The following NUP188 variants were observed in gnomAD, a reference collection of about 807,000 sequenced individuals.
NUP188 encodes the protein nucleoporin NUP188.
NUP188 carries 97 observed loss-of-function variants against 223.0 expected under a neutral mutation model. The observed-to-expected ratio is 0.43, with a 90% confidence interval of 0.37 to 0.51. The LOEUF (loss-of-function observed/expected upper bound fraction) is 0.51. NUP188 is among the 20% of genes least tolerant of loss of function. The pLI, the probability that NUP188 is intolerant of heterozygous loss-of-function variation, is 0.00. For missense variants in NUP188, 1,947 were observed against 2,175.6 expected, an observed-to-expected ratio of 0.89 and a Z score of 2.09; for synonymous variants, 869 against 828.0, an observed-to-expected ratio of 1.05 and a Z score of -0.85.
chr9:128,997,017 A>G (rs925129865), intron 30 of NUP188, among the ~76,000 whole-genome samples: 2 of 152,184 alleles, frequency 1.3e-5, no homozygotes, highest in Non-Finnish European at 2.9e-5. Flanking sequence ...AATAAAAAAT[A>G]TGGTTTCAGA....
rs375171816 is a variant in NUP188, at chr9:128,985,064, T to A, written c.2076+50T>A. The A allele has an allele frequency of 2.0e-5, 26 of 1,300,956 alleles. No individual in the cohort carries two copies. The African/African-American group carries it at 3.5e-4, about 18-fold the overall frequency. The allele number at this position is 1,300,956 out of a possible 1,614,324, so 80.6% of individuals were successfully genotyped here. Reference sequence around the variant, plus strand: ...GGGCAGAAAAAGAAAAGGTCCAGTCTTGTCAGATGACTCTGAAATAGTTTC... The same window carrying A: ...GGGCAGAAAAAGAAAAGGTCCAGTCATGTCAGATGACTCTGAAATAGTTTC... On this transcript the variant is annotated intron_variant, in intron 20 of 43. Coordinates refer to ENST00000372577, the MANE Select transcript of NUP188 (RefSeq NM_015354.3).
Position 128,968,844 on chromosome 9 carries a change from C to T in NUP188, c.797+127C>T, listed in dbSNP as rs17507978. ...CGGTGGGGAAATAGGTCTACTGCCA[C>T]GTTCCCTTTCATGCAGGGAGTAAAG... On this transcript the variant is annotated intron_variant, in intron 9 of 43. Transcript: ENST00000372577. 3.5e-3 allele frequency: 2,358 copies of T among 679,460 alleles called. 39 individuals are homozygous for T. The African/African-American group carries it at 0.038, about 11-fold the overall frequency. 42.1% of individuals were successfully genotyped at this position (679,460 alleles called of 1,614,324 possible).
Position 128,947,760 on chromosome 9 carries a change from C to T in NUP188, c.32+9C>T, listed in dbSNP as rs996639359. ...GGCGGGCCGTGTGTGAGGTGCGGAGCGGGTCGAATGGACCGGGGTGGCTGT... is the reference window on the plus strand; with the variant it reads ...GGCGGGCCGTGTGTGAGGTGCGGAGTGGGTCGAATGGACCGGGGTGGCTGT... On this transcript the variant is annotated intron_variant, in intron 1 of 43. Coordinates refer to ENST00000372577, the MANE Select transcript of NUP188 (RefSeq NM_015354.3). 7.6e-6 allele frequency: 11 copies of T among 1,446,976 alleles called. No homozygotes were observed. The highest frequency in any genetic ancestry group is 1.0e-5 in the Non-Finnish European group (11 of 1,102,278). The allele number at this position is 1,446,976 out of a possible 1,614,324, so 89.6% of individuals were successfully genotyped here.
chr9:128,982,965 C>T lies in NUP188; in HGVS notation c.1733C>T (p.Thr578Ile), dbSNP rs1348924837. The change falls in exon 17 of 44, where the codon ACA (threonine) becomes ATA (isoleucine). Residue 578 changes from threonine (T) to isoleucine (I), a missense_variant. Transcript: ENST00000372577. ...IIDLVHKVIS[T>I]DLSIADCLLP... ...GATCTCGTCCATAAGGTCATCAGTA[C>T]AGACCTGTCGATAGCAGACTGTCTC... 6.2e-7 allele frequency: 1 copy of T among 1,614,052 alleles called. No individual in the cohort carries two copies. Among genetic ancestry groups the T allele is most frequent in the Non-Finnish European group, 8.5e-7 (1 of 1,179,950 alleles).
chr9:128,961,331 GAAAAAT>G (rs1001728738), intron 8 of NUP188, among the ~76,000 whole-genome samples: 5 of 150,406 alleles, frequency 3.3e-5, no homozygotes, highest in Non-Finnish European at 5.9e-5. Flanking sequence ...CTCTGTCTCA[GAAAAAT>G]AAAAATAAAA....
At chr9:128,992,958 T>C (rs1842456833) in intron 25 of NUP188, 2 of 514,932 alleles carry the variant, frequency 3.9e-6, no homozygotes, top group African/African-American at 1.9e-5. Flanking sequence ...ACTTTTCAGT[T>C]TGTATTTATT....
intron 8 of NUP188, among the ~76,000 whole-genome samples, chr9:128,960,718 G>A (rs1841936102): frequency 1.3e-5 from 2 of 152,126 alleles, no homozygotes; most frequent in African/African-American, 4.8e-5. Context: ...GGGAGGCCAA[G>A]GCAGGCAGAT....
chr9:129,003,105 T>TGAAGTACAGA (rs1429362048), intron 37 of NUP188, 130 bp downstream of exon 37: 2 of 1,131,562 alleles, frequency 1.8e-6, no homozygotes, highest in East Asian at 4.9e-5. Context: ...ATTTTTGAGA[T>TGAAGTACAGA]GCTCTAAGTA....
intron 20 of NUP188, among the ~76,000 whole-genome samples, chr9:128,985,884 C>T (rs1390530337): frequency 1.3e-5 from 2 of 152,002 alleles, no homozygotes; most frequent in Admixed American, 6.6e-5. Flanking sequence ...ACTAAAAATA[C>T]AAAAATTAGC....
At chr9:128,952,440 C>T (rs1263802045) in intron 2 of NUP188, among the ~76,000 whole-genome samples, 2 of 149,450 alleles carry the variant, frequency 1.3e-5, no homozygotes, top group East Asian at 2.0e-4. Flanking sequence ...ACTGCATTTG[C>T]GGTCGGGTGC....
intron 8 of NUP188, among the ~76,000 whole-genome samples, chr9:128,959,432 A>T (rs996714986): frequency 1.4e-4 from 21 of 151,578 alleles, no homozygotes; most frequent in Non-Finnish European, 7.4e-5. Context: ...GTGAGCGACT[A>T]CACCTGGCCT....
intron 25 of NUP188, chr9:128,992,980 G>T: frequency 1.8e-6 from 1 of 556,090 alleles, no homozygotes; most frequent in South Asian, 2.2e-5. Context: ...AACCATGAGG[G>T]AAGTTGAGCA....
chr9:128,989,841 TAATA>T (rs1357231841), intron 24 of NUP188, among the ~76,000 whole-genome samples: 4 of 152,066 alleles, frequency 2.6e-5, no homozygotes, highest in Non-Finnish European at 5.9e-5. Flanking sequence ...CAAAAAAAAT[TAATA>T]AATAAATAAA....
chr9:128,993,814 T>C (rs1842471818), intron 27 of NUP188, 120 bp downstream of exon 27: 2 of 833,828 alleles, frequency 2.4e-6, no homozygotes, highest in Non-Finnish European at 3.8e-6. Flanking sequence ...TAGTCCTGGT[T>C]CAATACCTGG....
intron 1 of NUP188, chr9:128,948,601 C>T (rs1841726276): frequency 6.6e-6 from 1 of 152,268 alleles, no homozygotes. Flanking sequence ...ACCACGCCTC[C>T]TTCTGTCTTC....
intron 38 of NUP188, 41 bp from the exon 39 acceptor site, chr9:129,005,106 C>T: frequency 6.5e-7 from 1 of 1,532,022 alleles, no homozygotes; most frequent in South Asian, 1.1e-5. Flanking sequence ...GACTGGGCTG[C>T]TGACAAGAGA....
At chr9:128,996,078 T>A (rs1842519932) in intron 30 of NUP188, among the ~76,000 whole-genome samples, 1 of 152,180 alleles carries the variant, frequency 6.6e-6, no homozygotes, top group Non-Finnish European at 1.5e-5. Flanking sequence ...GGCTTTTTTG[T>A]GGTTTGACTC....
intron 15 of NUP188, among the ~76,000 whole-genome samples, chr9:128,982,166 A>C (rs997744301): frequency 2.0e-5 from 3 of 152,054 alleles, no homozygotes; most frequent in African/African-American, 7.2e-5. Context: ...ACTAAGAAGA[A>C]AGCCTGTGAA....
In NUP188 at chr9:128,958,861, C is replaced by T. The variant is rs751682886; in HGVS notation, c.432C>T (p.Leu144=). Residue 144 remains leucine (L), a synonymous_variant, in exon 7 of 44, where the codon CTC becomes CTT. Coordinates refer to ENST00000372577, the MANE Select transcript of NUP188 (RefSeq NM_015354.3). ...TTCTTCGTTGTGTCTTACACCTTCT[C>T]ACTTACTTCCAAGATGAAAGACACC... is the stretch of plus-strand genomic sequence containing the variant. ...TCILRCVLHL[L]TYFQDERHPY... is the part of the protein sequence containing the mutation. The T allele has an allele frequency of 1.2e-6, 2 of 1,601,746 alleles. No individual in the cohort carries two copies. The highest frequency in any genetic ancestry group is 1.1e-5 in the South Asian group (1 of 88,960).
Sources: gnomAD v4.1 joint callset for allele counts (sites outside exome capture counted in the v4.1 genomes callset) on GRCh38, gnomAD v4.1.1 for gene constraint, MANE v1.5 for transcripts, NCBI Gene and HGNC (gene_info 2026-07-23, HGNC 2026-07-21) for gene names.